Variants in IGFL3 observed in about 807,000 individuals in gnomAD.
IGFL3 encodes the protein insulin growth factor-like family member 3.
Under a neutral mutation model 17.0 loss-of-function variants are expected in IGFL3, and 12 were observed. The observed-to-expected ratio is 0.71, with a 90% CI of 0.45 to 1.14. IGFL3 has a LOEUF of 1.14. Ranked by LOEUF, IGFL3 falls within the 50% of genes most tolerant of loss-of-function variation. The pLI is 0.00. For synonymous variants in IGFL3, 52 were observed against 57.4 expected, an observed-to-expected ratio of 0.91 and a Z score of 0.42; for missense variants, 153 against 151.6, an observed-to-expected ratio of 1.01 and a Z score of -0.05.
intron 3 of IGFL3, among the ~76,000 whole-genome samples, chr19:46,120,568 C>A (rs994369244): frequency 1.3e-5 from 2 of 150,592 alleles, no homozygotes; most frequent in Admixed American, 6.6e-5. Flanking sequence ...AGCAACAGAT[C>A]CCAATAACAA....
chr19:46,123,834 TC>T, intron 3 of IGFL3, 51 bp downstream of exon 3: 1 of 1,542,688 alleles, frequency 6.5e-7, no homozygotes, highest in African/African-American at 1.4e-5. Flanking sequence ...GCCCTCTGTA[TC>T]CCTCATCCCT....
chr19:46,122,161 A>C (rs1971809801), intron 3 of IGFL3, among the ~76,000 whole-genome samples: 1 of 151,068 alleles, frequency 6.6e-6, no homozygotes, highest in Non-Finnish European at 1.5e-5. Context: ...TAAAAAGTGT[A>C]CATCCACTTC....
chr19:46,124,453 G>A, intron 1 of IGFL3, 132 bp from the exon 2 acceptor site: 1 of 1,181,600 alleles, frequency 8.5e-7, no homozygotes, highest in Non-Finnish European at 1.2e-6. Context: ...AGTCTGTATG[G>A]GATCCCGTTC....
intron 3 of IGFL3, among the ~76,000 whole-genome samples, chr19:46,121,467 T>C (rs1971764937): frequency 6.7e-6 from 1 of 148,318 alleles, no homozygotes; most frequent in Non-Finnish European, 1.5e-5. Context: ...CCAACACTCA[T>C]AGCCTGAGCA....
intron 3 of IGFL3, among the ~76,000 whole-genome samples, chr19:46,121,394 G>GAAA (rs113082923): frequency 5.6e-5 from 7 of 124,422 alleles, no homozygotes; most frequent in African/African-American, 1.5e-4. Context: ...ATCCTGTCTT[G>GAAA]AAAAAAAAAA....
At chr19:46,122,484 G>C (rs1444799558) in intron 3 of IGFL3, among the ~76,000 whole-genome samples, 1 of 150,934 alleles carries the variant, frequency 6.6e-6, no homozygotes, top group East Asian at 2.0e-4. Flanking sequence ...AATAGCAGCA[G>C]ACTAAAAACA....
In IGFL3 at chr19:46,120,328, T is replaced by A; in HGVS notation, c.*2A>T. 6.2e-7 allele frequency: 1 copy of A among 1,610,980 alleles called. No homozygotes were observed. Among genetic ancestry groups the A allele is most frequent in the Non-Finnish European group, 8.5e-7 (1 of 1,179,524 alleles). On this transcript the variant is annotated 3_prime_UTR_variant, in exon 4 of 4. Transcript: ENST00000341415. ...GCCGTCTGCCAGTGGAGCCTGGGGT[T>A]TTTATGGGTACAGGACGTGCCTCCT... is the stretch of plus-strand genomic sequence containing the variant.
In IGFL3 at chr19:46,124,639, C is replaced by A; in HGVS notation, c.11G>T (p.Arg4Leu). ...GTCCTACTTGCCCAAGATGCAGCAT[C>A]GTGGCCTCATGCTTCCAAAGATGCT... MRPRCCILALVCWI... is the reference protein window; with the variant it reads MRPLCCILALVCWI... The change falls in exon 1 of 4, where the codon CGA (arginine) becomes CTA (leucine). Residue 4 changes from arginine (R) to leucine (L), a missense_variant. Physicochemically the swap from Arg to Leu is moderately radical, Grantham distance 102. Coordinates refer to ENST00000341415, the MANE Select transcript of IGFL3 (RefSeq NM_207393.2). 1 of 1,609,238 alleles carries A rather than the reference C, an allele frequency of 6.2e-7. No homozygotes were observed. The highest frequency in any genetic ancestry group is 8.5e-7 in the Non-Finnish European group (1 of 1,177,946).
chr19:46,120,256 A>G lies in IGFL3; in HGVS notation c.*74T>C, dbSNP rs1415002179. 41 of 1,600,830 alleles carry G rather than the reference A, an allele frequency of 2.6e-5. No individual in the cohort carries two copies. Among genetic ancestry groups the G allele is most frequent in the Non-Finnish European group, 3.3e-5 (39 of 1,174,986 alleles). On this transcript the variant is annotated 3_prime_UTR_variant, in exon 4 of 4. Transcript: ENST00000341415. ...TCAAGTTGCTTCTCTCCGAAGTTCAACTGTAGTCTCCGATGTCCAGCTGCT... is the reference window on the plus strand; with the variant it reads ...TCAAGTTGCTTCTCTCCGAAGTTCAGCTGTAGTCTCCGATGTCCAGCTGCT...
In IGFL3 at chr19:46,120,214, G is replaced by C; in HGVS notation, c.*116C>G. 2.7e-6 allele frequency: 4 copies of C among 1,481,880 alleles called. No homozygotes were observed. Among genetic ancestry groups the C allele is most frequent in the Non-Finnish European group, 3.7e-6 (4 of 1,091,448 alleles). 91.8% of individuals were successfully genotyped at this position (1,481,880 alleles called of 1,614,324 possible). ...GGCTCCTCTCCAAAGCTATGTCATT[G>C]AGCCATCCCTCTGAAGTCAAGTTGC... On this transcript the variant is annotated 3_prime_UTR_variant, in exon 4 of 4. Coordinates refer to ENST00000341415, the MANE Select transcript of IGFL3 (RefSeq NM_207393.2).
chr19:46,124,394 C>T, intron 1 of IGFL3, 73 bp from the exon 2 acceptor site: 1 of 1,480,244 alleles, frequency 6.8e-7, no homozygotes, highest in Non-Finnish European at 9.4e-7. Context: ...AACAAACAAA[C>T]AAACAGAGGT....
intron 3 of IGFL3, 36 bp from the exon 4 acceptor site, chr19:46,120,393 C>A: frequency 6.2e-7 from 1 of 1,609,380 alleles, no homozygotes; most frequent in South Asian, 1.1e-5. Flanking sequence ...GTCTTAACAA[C>A]ATATATTCTC....
intron 3 of IGFL3, among the ~76,000 whole-genome samples, chr19:46,122,344 A>G (rs565515742): frequency 6.6e-6 from 1 of 151,274 alleles, no homozygotes; most frequent in African/African-American, 2.4e-5. Context: ...AATACTAAAT[A>G]TTATAATTTT....
In IGFL3 at chr19:46,120,827, GA is replaced by G. The variant is rs1971720741; in HGVS notation, c.351-471del. 4.6e-5 allele frequency among the ~76,000 whole-genome samples: 7 copies of G among 150,822 alleles called. No individual in the cohort carries two copies. The South Asian group carries it at 1.3e-3, about 27-fold the overall frequency. On this transcript the variant is annotated intron_variant, in intron 3 of 3. Transcript: ENST00000341415. Reference sequence around the variant, plus strand: ...GTAAATTTCAAGTGTTCTTACCACAGAAAAATGAGAAATATTGAAGGTAATA... The same window carrying G: ...GTAAATTTCAAGTGTTCTTACCACAGAAAATGAGAAATATTGAAGGTAATA...
intron 3 of IGFL3, among the ~76,000 whole-genome samples, chr19:46,120,683 T>C (rs1023266909): frequency 6.6e-6 from 1 of 151,046 alleles, no homozygotes; most frequent in Non-Finnish European, 1.5e-5. Context: ...GAAATTCAGT[T>C]TGGGATATGA....
chr19:46,122,848 G>A (rs1423885955), intron 3 of IGFL3, among the ~76,000 whole-genome samples: 1 of 150,844 alleles, frequency 6.6e-6, no homozygotes, highest in Non-Finnish European at 1.5e-5. Flanking sequence ...GGAGGAAGGG[G>A]AGGAAGGACT....
chr19:46,124,417 A>G, intron 1 of IGFL3, 96 bp from the exon 2 acceptor site: 1 of 1,377,264 alleles, frequency 7.3e-7, no homozygotes, highest in Non-Finnish European at 1.0e-6. Context: ...GGGTGGTTTA[A>G]AGGTGGAGAT....
chr19:46,122,436 A>C (rs1159400568), intron 3 of IGFL3, among the ~76,000 whole-genome samples: 2 of 151,162 alleles, frequency 1.3e-5, no homozygotes, highest in Non-Finnish European at 2.9e-5. Flanking sequence ...AGGTGAAGTC[A>C]TTTCCTGAGC....
In IGFL3 at chr19:46,124,032, G is replaced by A; in HGVS notation, c.204C>T (p.Arg68=). The change falls in exon 3 of 4, where the codon CGC becomes CGT. Residue 68 remains arginine, a synonymous_variant. Transcript: ENST00000341415. ...DAILSLKETR[R]CGSTCTFWPC... ...GCCAGAAGGTGCAGGTGGAGCCACAGCGGCGGGTCTCCTTTAAGGATAAGA... is the reference window on the plus strand; with the variant it reads ...GCCAGAAGGTGCAGGTGGAGCCACAACGGCGGGTCTCCTTTAAGGATAAGA... 2 of 1,611,532 alleles carry A rather than the reference G, an allele frequency of 1.2e-6. No homozygotes were observed. The highest frequency in any genetic ancestry group is 1.7e-6 in the Non-Finnish European group (2 of 1,179,688).
Sources: gnomAD v4.1 joint callset for allele counts (sites outside exome capture counted in the v4.1 genomes callset) on GRCh38, gnomAD v4.1.1 for gene constraint, MANE v1.5 for transcripts, NCBI Gene and HGNC (gene_info 2026-07-23, HGNC 2026-07-21) for gene names.